HDAC9: variants seen among roughly 807,000 people sequenced by gnomAD.
HDAC9 encodes the protein histone deacetylase 9, also known as MEF-2 interacting transcription repressor (MITR) protein.
Under a neutral mutation model 139.4 loss-of-function variants are expected in HDAC9, and 41 were observed. The observed-to-expected ratio is 0.29, with a 90% CI of 0.23 to 0.38. The LOEUF is 0.38. Among genes scored for constraint, HDAC9 ranks in the 10% least tolerant of loss-of-function variants. HDAC9 has a pLI of 1.00. For missense variants in HDAC9, 1,147 were observed against 1,297.0 expected (o/e 0.88, Z 1.78); for synonymous variants, 517 against 476.2 (o/e 1.09, Z -1.12).
At chr7:18,702,547 A>G (rs1783574968) in intron 12 of HDAC9, among the ~76,000 whole-genome samples, 2 of 152,222 alleles carry the variant, frequency 1.3e-5, no homozygotes. Context: ...ATCAGAATCA[A>G]AAACACTTTG....
intron 1 of HDAC9, among the ~76,000 whole-genome samples, chr7:18,348,676 T>G (rs1342781180): frequency 6.6e-6 from 1 of 152,208 alleles, no homozygotes; most frequent in African/African-American, 2.4e-5. Flanking sequence ...TTTAACAACT[T>G]TTAGGATCCA....
chr7:18,164,350 A>G (rs1175241808), intron 2 of HDAC9, among the ~76,000 whole-genome samples: 1 of 152,224 alleles, frequency 6.6e-6, no homozygotes, highest in Non-Finnish European at 1.5e-5. Flanking sequence ...AGGGTGCCGT[A>G]TATATTCTGA....
At chr7:18,542,063 C>T (rs969719242) in intron 2 of HDAC9, among the ~76,000 whole-genome samples, 2 of 152,100 alleles carry the variant, frequency 1.3e-5, no homozygotes, top group African/African-American at 4.8e-5. Flanking sequence ...CCCTAGATGC[C>T]AGTAGCACAA....
chr7:18,226,469 C>G (rs1162990901), intron 2 of HDAC9, among the ~76,000 whole-genome samples: 1 of 151,952 alleles, frequency 6.6e-6, no homozygotes, highest in Non-Finnish European at 1.5e-5. Flanking sequence ...TTTAAATCTA[C>G]CAGGTCAGTC....
In HDAC9 at chr7:18,835,590, C is replaced by A; in HGVS notation, c.2586+4C>A. 1 of 1,613,602 alleles carries A rather than the reference C, an allele frequency of 6.2e-7. No individual in the cohort carries two copies. Among genetic ancestry groups the A allele is most frequent in the Non-Finnish European group, 8.5e-7 (1 of 1,179,618 alleles). On this transcript the variant is annotated splice_donor_region_variant and intron_variant, in intron 20 of 25. Coordinates refer to ENST00000686413, the MANE Select transcript of HDAC9 (RefSeq NM_178425.4). ...TGGCAGTGGAGCCCCAAATGAGGTT[C>A]GGTTTATTTCTTTAGAGCCCCACTT...
chr7:18,566,278 G>A (rs1822311840), intron 2 of HDAC9, among the ~76,000 whole-genome samples: 1 of 152,212 alleles, frequency 6.6e-6, no homozygotes, highest in South Asian at 2.1e-4. Context: ...GGCAAAGCCT[G>A]TCCTAGGGTA....
intron 22 of HDAC9, 72 bp downstream of exon 22, chr7:18,874,668 C>A: frequency 1.2e-6 from 1 of 836,378 alleles, no homozygotes; most frequent in Non-Finnish European, 2.0e-6. Context: ...ATGATAGACA[C>A]CACCTTTTAC....
At chr7:18,934,499 G>A (rs947047585) in intron 22 of HDAC9, among the ~76,000 whole-genome samples, 1 of 152,098 alleles carries the variant, frequency 6.6e-6, no homozygotes, top group African/African-American at 2.4e-5. Flanking sequence ...ATTAATTAAT[G>A]TAACTAACAG....
At chr7:18,101,637 A>G (rs1308752977) in intron 1 of HDAC9, among the ~76,000 whole-genome samples, 1 of 152,098 alleles carries the variant, frequency 6.6e-6, no homozygotes, top group Non-Finnish European at 1.5e-5. Flanking sequence ...CAGTTTCCAA[A>G]TTTTCTTTAA....
chr7:18,482,918 A>G (rs1446259532), intron 1 of HDAC9, among the ~76,000 whole-genome samples: 1 of 152,184 alleles, frequency 6.6e-6, no homozygotes. Context: ...TTATCTAAAT[A>G]TGAGGAAACC....
intron 8 of HDAC9, among the ~76,000 whole-genome samples, chr7:18,638,539 G>T (rs985396326): frequency 5.3e-5 from 8 of 152,070 alleles, no homozygotes; most frequent in African/African-American, 1.9e-4. Flanking sequence ...CTGACCCCCA[G>T]ATTCCTGATC....
rs142383628 is a variant in HDAC9 at position 18,910,527 on chromosome 7, T to G, written c.2804-25282T>G. Among the ~76,000 whole-genome samples the G allele has an allele frequency of 1.6e-3, 246 of 152,088 alleles. 3 individuals are homozygous for G. The highest frequency in any genetic ancestry group is 5.7e-3 in the African/African-American group (235 of 41,530). Reference sequence around the variant, plus strand: ...CTTTCTCCTTTCCCATGTGAATGCCTTTTATGTTTTTCTCTTGCCTAATTG... The same window carrying G: ...CTTTCTCCTTTCCCATGTGAATGCCGTTTATGTTTTTCTCTTGCCTAATTG... On this transcript the variant is annotated intron_variant, in intron 22 of 25. Coordinates refer to ENST00000686413, the MANE Select transcript of HDAC9 (RefSeq NM_178425.4).
chr7:18,091,579 T>G (rs1387538342), intron 1 of HDAC9, among the ~76,000 whole-genome samples: 3 of 152,248 alleles, frequency 2.0e-5, no homozygotes, highest in Non-Finnish European at 4.4e-5. Context: ...ATATTGACTT[T>G]GTTTTCTCTT....
At chr7:18,869,314 G>T (rs1473807021) in intron 21 of HDAC9, among the ~76,000 whole-genome samples, 3 of 151,988 alleles carry the variant, frequency 2.0e-5, no homozygotes, top group East Asian at 1.9e-4. Context: ...GGATCATGGG[G>T]GTGGTTTCTT....
chr7:18,307,357 CTTGAACACA>C (rs1798992376), intron 1 of HDAC9, among the ~76,000 whole-genome samples: 1 of 152,128 alleles, frequency 6.6e-6, no homozygotes. Flanking sequence ...TGAGAATCAT[CTTGAACACA>C]TTGAATTTTG....
In HDAC9 at chr7:18,950,340, T is replaced by C. The variant is rs550948194; in HGVS notation, c.2938-3806T>C. On this transcript the variant is annotated intron_variant, in intron 23 of 25. Coordinates refer to ENST00000686413, the MANE Select transcript of HDAC9 (RefSeq NM_178425.4). ...CTTGCCAATGCATAGGAGAAAATAATTGTGTGGAAATTATGCAAGAGCAGT... is the reference window on the plus strand; with the variant it reads ...CTTGCCAATGCATAGGAGAAAATAACTGTGTGGAAATTATGCAAGAGCAGT... 2.0e-5 allele frequency among the ~76,000 whole-genome samples: 3 copies of C among 152,194 alleles called. No individual in the cohort carries two copies. In the South Asian group the frequency reaches 6.2e-4, roughly 32 times the overall value.
chr7:18,279,403 C>T (rs1796949748), intron 2 of HDAC9, among the ~76,000 whole-genome samples: 2 of 151,610 alleles, frequency 1.3e-5, no homozygotes, highest in Non-Finnish European at 2.9e-5. Flanking sequence ...TACCCAGTGA[C>T]ATCATGATGA....
intron 2 of HDAC9, among the ~76,000 whole-genome samples, chr7:18,228,477 T>C (rs1310527285): frequency 6.6e-6 from 1 of 152,154 alleles, no homozygotes; most frequent in Non-Finnish European, 1.5e-5. Flanking sequence ...ATCCAAGATA[T>C]TAGATAGCAA....
intron 1 of HDAC9, among the ~76,000 whole-genome samples, chr7:18,450,434 A>G (rs1792710036): frequency 6.6e-6 from 1 of 152,212 alleles, no homozygotes; most frequent in Admixed American, 6.5e-5. Context: ...GTCTCCAAAA[A>G]GGCTTTATTT....
Sources: allele counts gnomAD v4.1 joint callset (sites outside exome capture counted in the v4.1 genomes callset), GRCh38; gene constraint gnomAD v4.1.1; transcripts MANE v1.5; gene names NCBI Gene and HGNC (gene_info 2026-07-23, HGNC 2026-07-21).